The following TAF3 variants were observed in gnomAD, a reference collection of about 807,000 sequenced individuals.
The protein encoded by TAF3 is transcription initiation factor TFIID subunit 3.
Under a neutral mutation model 80.6 loss-of-function variants are expected in TAF3, and 7 were observed. The ratio of observed to expected loss-of-function variants is 0.09; its 90% confidence interval spans 0.05 to 0.16. TAF3 has a LOEUF of 0.16. Ranked by LOEUF, TAF3 falls within the 10% of genes least tolerant of loss-of-function variation. The pLI, the probability that TAF3 is intolerant of heterozygous loss-of-function variation, is 1.00. For synonymous variants in TAF3, 444 were observed against 446.1 expected, an observed-to-expected ratio of 1.00 and a Z score of 0.06; for missense variants, 921 against 1,140.2, an observed-to-expected ratio of 0.81 and a Z score of 2.77.
chr10:8,007,929 G>C (rs1413683690), intron 4 of TAF3, among the ~76,000 whole-genome samples: 1 of 151,950 alleles, frequency 6.6e-6, no homozygotes, highest in African/African-American at 2.4e-5. Context: ...CTGGCCCCAA[G>C]TCCAGAGCTG....
chr10:7,966,282 T>C (rs1456887874), intron 3 of TAF3, among the ~76,000 whole-genome samples: 1 of 152,214 alleles, frequency 6.6e-6, no homozygotes, highest in Non-Finnish European at 1.5e-5. Flanking sequence ...TTTTATTCCT[T>C]CCGTTTTCTG....
intron 2 of TAF3, among the ~76,000 whole-genome samples, chr10:7,830,715 C>A (rs990442074): frequency 6.6e-6 from 1 of 152,056 alleles, no homozygotes; most frequent in African/African-American, 2.4e-5. Flanking sequence ...AACTCCTGAC[C>A]TCAAGTGATC....
intron 2 of TAF3, among the ~76,000 whole-genome samples, chr10:7,899,975 G>A (rs866997301): frequency 6.6e-6 from 1 of 152,046 alleles, no homozygotes; most frequent in Non-Finnish European, 1.5e-5. Flanking sequence ...CTTTCCCCTC[G>A]TTTTCCTCAG....
At chr10:7,910,370 A>AATTTT (rs1276646419) in intron 2 of TAF3, among the ~76,000 whole-genome samples, 1 of 152,024 alleles carries the variant, frequency 6.6e-6, no homozygotes, top group South Asian at 2.1e-4. Flanking sequence ...CTACTTTATA[A>AATTTT]ATTTTATTTT....
chr10:7,880,113 C>A (rs1303096016), intron 2 of TAF3, among the ~76,000 whole-genome samples: 1 of 152,110 alleles, frequency 6.6e-6, no homozygotes, highest in Non-Finnish European at 1.5e-5. Context: ...GTGGCATGCA[C>A]CTGTAATCTC....
intron 2 of TAF3, among the ~76,000 whole-genome samples, chr10:7,900,147 T>C (rs1267995546): frequency 6.6e-6 from 1 of 152,238 alleles, no homozygotes; most frequent in East Asian, 1.9e-4. Context: ...TTAGAATAGT[T>C]ATACCAGTAC....
chr10:7,899,717 A>G (rs1339163645), intron 2 of TAF3, among the ~76,000 whole-genome samples: 2 of 152,238 alleles, frequency 1.3e-5, no homozygotes, highest in Non-Finnish European at 2.9e-5. Flanking sequence ...ATTTATGTAT[A>G]TGATAGACTA....
chr10:7,849,654 T>C (rs991105156), intron 2 of TAF3, among the ~76,000 whole-genome samples: 2 of 151,958 alleles, frequency 1.3e-5, no homozygotes, highest in Non-Finnish European at 2.9e-5. Flanking sequence ...TTATAACAAC[T>C]ATTGGGGGGG....
At chr10:7,990,812 C>A (rs1331740150) in intron 4 of TAF3, among the ~76,000 whole-genome samples, 2 of 152,180 alleles carry the variant, frequency 1.3e-5, no homozygotes, top group Non-Finnish European at 2.9e-5. Context: ...TTAGAGAGTC[C>A]TGCTCTGAGC....
At chr10:7,913,112 TCTCTTC>T (rs1387493148) in intron 2 of TAF3, among the ~76,000 whole-genome samples, 1 of 152,114 alleles carries the variant, frequency 6.6e-6, no homozygotes, top group Non-Finnish European at 1.5e-5. Flanking sequence ...CCGTGATGTC[TCTCTTC>T]CTCTTCCTCT....
chr10:7,963,447 T>C (rs1355986959), intron 2 of TAF3, among the ~76,000 whole-genome samples: 3 of 152,260 alleles, frequency 2.0e-5, no homozygotes, highest in Non-Finnish European at 2.9e-5. Flanking sequence ...TTTGTACATC[T>C]GCTGTTACTG....
chr10:7,897,653 T>C (rs1837517383), intron 2 of TAF3, among the ~76,000 whole-genome samples: 1 of 151,428 alleles, frequency 6.6e-6, no homozygotes, highest in Non-Finnish European at 1.5e-5. Context: ...ATTCTCTCTC[T>C]CTCTCTCTTT....
At chr10:7,935,137 C>T (rs1241041537) in intron 2 of TAF3, among the ~76,000 whole-genome samples, 3 of 152,026 alleles carry the variant, frequency 2.0e-5, no homozygotes, top group African/African-American at 4.8e-5. Context: ...ATCAGCTGTG[C>T]GTGCTGGTGC....
Position 7,837,088 on chromosome 10 carries a change from C to T in TAF3, c.409+12528C>T, listed in dbSNP as rs191825622. 1.8e-3 allele frequency among the ~76,000 whole-genome samples: 275 copies of T among 152,096 alleles called. 7 individuals are homozygous for T. The East Asian group carries it at 0.046, about 26-fold the overall frequency. On this transcript the variant is annotated intron_variant, in intron 2 of 6. Coordinates refer to ENST00000344293, the MANE Select transcript of TAF3 (RefSeq NM_031923.4). Reference sequence around the variant, plus strand: ...TAAAAAATTTAAAAATCTGGCCAGGCGTGGTGGCTCACACCTGTGATCCCA... The same window carrying T: ...TAAAAAATTTAAAAATCTGGCCAGGTGTGGTGGCTCACACCTGTGATCCCA...
intron 1 of TAF3, among the ~76,000 whole-genome samples, chr10:7,822,219 A>C (rs147703549): frequency 2.7e-5 from 4 of 150,606 alleles, no homozygotes; most frequent in African/African-American, 9.8e-5. Context: ...ATAGAGAGAA[A>C]GGAAAAAAAT....
intron 2 of TAF3, among the ~76,000 whole-genome samples, chr10:7,878,918 G>A (rs908570437): frequency 6.6e-5 from 10 of 152,136 alleles, no homozygotes; most frequent in Middle Eastern, 3.4e-3. Context: ...AGTAGAGACA[G>A]GGTTTCCCTA....
intron 3 of TAF3, among the ~76,000 whole-genome samples, chr10:7,969,865 A>G (rs1017841755): frequency 2.0e-5 from 3 of 152,180 alleles, no homozygotes; most frequent in African/African-American, 7.2e-5. Context: ...CTCGTTATTC[A>G]CCAACCTCCC....
intron 4 of TAF3, among the ~76,000 whole-genome samples, chr10:8,002,676 A>AT (rs769100252): frequency 4.4e-4 from 67 of 151,994 alleles, no homozygotes; most frequent in Non-Finnish European, 7.6e-4. Flanking sequence ...TTGAAGACAG[A>AT]TTTTTTTTAA....
chr10:7,978,660 C>G lies in TAF3; in HGVS notation c.2315+1337C>G, dbSNP rs1447732309. Among the ~76,000 whole-genome samples the G allele has an allele frequency of 4.6e-5, 7 of 152,312 alleles. No individual in the cohort carries two copies. The South Asian group carries it at 1.5e-3, about 32-fold the overall frequency. On this transcript the variant is annotated intron_variant, in intron 4 of 6. Transcript: ENST00000344293. ...TGTCCTCATCCCTTAACCAGTAGAG[C>G]TTAGAGAAGACCCAACCAAAGTAAA... is the stretch of plus-strand genomic sequence containing the variant.
Sources: allele counts gnomAD v4.1 joint callset (sites outside exome capture counted in the v4.1 genomes callset), GRCh38; gene constraint gnomAD v4.1.1; transcripts MANE v1.5; gene names NCBI Gene and HGNC (gene_info 2026-07-23, HGNC 2026-07-21).